The following EDARADD variants were observed in gnomAD, a reference collection of about 807,000 sequenced individuals.
EDARADD encodes EDAR associated via death domain.
Under a neutral mutation model 25.6 loss-of-function variants are expected in EDARADD, and 20 were observed. That is an observed-to-expected ratio of 0.78 (90% confidence interval 0.55 to 1.14). The LOEUF (loss-of-function observed/expected upper bound fraction) is 1.14. Ranked by LOEUF, EDARADD falls within the 50% of genes most tolerant of loss-of-function variation. The pLI is 0.00. For synonymous variants in EDARADD, 86 were observed against 94.4 expected (o/e 0.91, Z 0.52); for missense variants, 225 against 270.1 (o/e 0.83, Z 1.17).
At chr1:236,470,950 C>T (rs987372156) in intron 5 of EDARADD, among the ~76,000 whole-genome samples, 1 of 152,170 alleles carries the variant, frequency 6.6e-6, no homozygotes, top group East Asian at 1.9e-4. Flanking sequence ...CCCATGTTGG[C>T]CAGGCTGGTC....
intron 5 of EDARADD, among the ~76,000 whole-genome samples, chr1:236,478,786 C>T (rs1659582494): frequency 6.6e-6 from 1 of 152,118 alleles, no homozygotes; most frequent in Non-Finnish European, 1.5e-5. Flanking sequence ...CTGGGTTTCA[C>T]CGTGTTAGCC....
At chr1:236,414,537 A>G (rs945895757) in intron 3 of EDARADD, among the ~76,000 whole-genome samples, 1 of 152,232 alleles carries the variant, frequency 6.6e-6, no homozygotes, top group African/African-American at 2.4e-5. Context: ...ATTCCATAAC[A>G]AATTATGCGT....
intron 4 of EDARADD, among the ~76,000 whole-genome samples, chr1:236,444,547 G>C (rs1436711023): frequency 6.6e-6 from 1 of 152,138 alleles, no homozygotes; most frequent in Non-Finnish European, 1.5e-5. Flanking sequence ...TCAGCCTTCT[G>C]AGTAGCTGGG....
At chr1:236,404,355 C>T (rs1667670307) in intron 1 of EDARADD, among the ~76,000 whole-genome samples, 2 of 152,206 alleles carry the variant, frequency 1.3e-5, no homozygotes, top group East Asian at 1.9e-4. Flanking sequence ...CTCCAAATAA[C>T]TTCCCTGGTA....
At chr1:236,385,685 T>C (rs1180620431) in intron 3 of EDARADD, among the ~76,000 whole-genome samples, 2 of 150,530 alleles carry the variant, frequency 1.3e-5, no homozygotes, top group East Asian at 2.0e-4. Flanking sequence ...GATTGTGCCA[T>C]TGCACTCCAG....
rs780077696 is a variant in EDARADD, at chr1:236,405,822, T to TTTCCTTCCTTCC, written c.62-3350_62-3339dup. ...TTTCTTTCTTTCTTTCCTTCCTTCC[T>TTTCCTTCCTTCC]TTCCTTCCTTCCTTCCTTCCTTCCT... is the stretch of plus-strand genomic sequence containing the variant. On this transcript the variant is annotated intron_variant, in intron 1 of 5. Coordinates refer to ENST00000334232, the MANE Select transcript of EDARADD (RefSeq NM_145861.4). Among the ~76,000 whole-genome samples, 307 of 55,398 alleles carry TTTCCTTCCTTCC rather than the reference T, an allele frequency of 5.5e-3. 3 individuals are homozygous for TTTCCTTCCTTCC. The highest frequency in any genetic ancestry group is 0.012 in the East Asian group (15 of 1,238). The allele number at this position is 55,398 out of a possible 152,430, so 36.3% of individuals were successfully genotyped here.
chr1:236,441,344 T>C (rs1255118763), intron 4 of EDARADD, among the ~76,000 whole-genome samples: 1 of 144,486 alleles, frequency 6.9e-6, no homozygotes, highest in Non-Finnish European at 1.5e-5. Flanking sequence ...ATAAAATATA[T>C]AAATATAAAT....
intron 3 of EDARADD, among the ~76,000 whole-genome samples, chr1:236,360,537 GTTTTTTTTTT>G (rs869053977): frequency 7.6e-6 from 1 of 131,262 alleles, no homozygotes. Flanking sequence ...TTAATTCACG[GTTTTTTTTTT>G]TTTTTTTTTT....
intron 4 of EDARADD, among the ~76,000 whole-genome samples, chr1:236,450,738 G>A (rs1336715131): frequency 2.0e-5 from 3 of 152,000 alleles, no homozygotes; most frequent in African/African-American, 7.2e-5. Flanking sequence ...TAGTAGAGAC[G>A]GGGTTTCACC....
At chr1:236,434,572 C>G (rs1345357964) in intron 4 of EDARADD, among the ~76,000 whole-genome samples, 1 of 152,250 alleles carries the variant, frequency 6.6e-6, no homozygotes, top group East Asian at 1.9e-4. Context: ...CTTCAGCTAT[C>G]ATCAGCATTA....
At chr1:236,444,320 T>TG (rs79365946) in intron 4 of EDARADD, among the ~76,000 whole-genome samples, 7,799 of 152,180 alleles carry the variant, frequency 0.051, 578 homozygotes, top group African/African-American at 0.16. Flanking sequence ...AATGACCCTA[T>TG]GCAGGATGTA....
chr1:236,395,402 G>A lies in EDARADD; in HGVS notation c.61+897G>A. On this transcript the variant is annotated intron_variant, in intron 1 of 5. Coordinates refer to ENST00000334232, the MANE Select transcript of EDARADD (RefSeq NM_145861.4). The surrounding 1 kb of genome is among the most constrained non-coding windows in gnomAD (Gnocchi z 6.9). Reference sequence around the variant, plus strand: ...AGGGAGGTACCGAGGGACGCGCAGCGAAGGGGCTTTGCTAATTGCCAAAGC... The same window carrying A: ...AGGGAGGTACCGAGGGACGCGCAGCAAAGGGGCTTTGCTAATTGCCAAAGC... 7.1e-7 allele frequency: 1 copy of A among 1,418,314 alleles called. No homozygotes were observed. Among genetic ancestry groups the A allele is most frequent in the Non-Finnish European group, 9.2e-7 (1 of 1,084,896 alleles). The allele number at this position is 1,418,314 out of a possible 1,614,324, so 87.9% of individuals were successfully genotyped here. A position where few individuals can be genotyped will look rare whatever the true frequency, so the allele number is the denominator to read the frequency against.
At chr1:236,434,990 A>T (rs1658203614) in intron 4 of EDARADD, among the ~76,000 whole-genome samples, 1 of 152,302 alleles carries the variant, frequency 6.6e-6, no homozygotes, top group African/African-American at 2.4e-5. Context: ...TGGTTGGTTC[A>T]GAAAGAGGAG....
At chr1:236,436,660 CT>C (rs1371556640) in intron 4 of EDARADD, among the ~76,000 whole-genome samples, 1 of 147,652 alleles carries the variant, frequency 6.8e-6, no homozygotes, top group African/African-American at 2.5e-5. Context: ...AACCTTAACT[CT>C]TTTTTAGAGG....
intron 3 of EDARADD, among the ~76,000 whole-genome samples, chr1:236,377,695 T>C (rs1378516114): frequency 2.6e-5 from 4 of 151,180 alleles, no homozygotes; most frequent in Admixed American, 2.0e-4. Context: ...CCGTCTCTAC[T>C]AAAAATACAA....
intron 1 of EDARADD, among the ~76,000 whole-genome samples, chr1:236,408,917 T>C (rs1021652665): frequency 6.6e-6 from 1 of 151,732 alleles, no homozygotes; most frequent in Non-Finnish European, 1.5e-5. Context: ...AATTTTTATT[T>C]TTATTTTATT....
intron 3 of EDARADD, among the ~76,000 whole-genome samples, chr1:236,414,887 G>C (rs1657594078): frequency 6.6e-6 from 1 of 152,066 alleles, no homozygotes; most frequent in Admixed American, 6.6e-5. Flanking sequence ...AAAAAAAAGT[G>C]GGAACTTGCT....
rs535647064 is a variant in EDARADD at position 236,371,856 on chromosome 1, G to A, written c.-6+21017G>A. 3.9e-5 allele frequency among the ~76,000 whole-genome samples: 6 copies of A among 152,104 alleles called. No homozygotes were observed. In the South Asian group the frequency reaches 1.2e-3, roughly 32 times the overall value. ...CAAAGTGCTGGGATTACAGGCATGAGCCACCGGGCCCAGTCGTAGATGTTC... is the reference window on the plus strand; with the variant it reads ...CAAAGTGCTGGGATTACAGGCATGAACCACCGGGCCCAGTCGTAGATGTTC... On this transcript the variant is annotated intron_variant, in intron 3 of 7. Coordinates refer to the EDARADD transcript ENST00000439430.
intron 5 of EDARADD, among the ~76,000 whole-genome samples, chr1:236,469,209 C>T (rs145426062): frequency 3.5e-3 from 538 of 152,086 alleles, no homozygotes; most frequent in African/African-American, 0.012. Context: ...TGTGGTGGCT[C>T]ACACCTGTAA....
Sources: gnomAD v4.1 joint callset for allele counts (sites outside exome capture counted in the v4.1 genomes callset) on GRCh38, gnomAD v4.1.1 for gene constraint, Gnocchi (gnomAD v3.1) non-coding constraint, MANE v1.5 for transcripts, NCBI Gene and HGNC (gene_info 2026-07-23, HGNC 2026-07-21) for gene names.